SYT16: variants seen among roughly 807,000 people sequenced by gnomAD.
SYT16 encodes synaptotagmin-16.
Under a neutral mutation model 61.4 loss-of-function variants are expected in SYT16, and 42 were observed. The ratio of observed to expected loss-of-function variants is 0.68; its 90% CI spans 0.53 to 0.89. The LOEUF (loss-of-function observed/expected upper bound fraction) is 0.89, where lower values mean the gene tolerates loss of function less well. SYT16 is among the 40% of genes least tolerant of loss of function. SYT16 has a pLI of 0.00. For missense variants in SYT16, 804 were observed against 807.3 expected, an observed-to-expected ratio of 1.00 and a Z score of 0.05; for synonymous variants, 314 against 302.3, an observed-to-expected ratio of 1.04 and a Z score of -0.40.
At chr14:61,876,784 G>T (rs933989518) in intron 1 of SYT16, among the ~76,000 whole-genome samples, 3 of 152,178 alleles carry the variant, frequency 2.0e-5, no homozygotes, top group Admixed American at 2.0e-4. Flanking sequence ...CTTTTGCCCC[G>T]CAGGTAGGTA....
intron 3 of SYT16, among the ~76,000 whole-genome samples, chr14:62,008,631 C>CTTTTTTTT (rs374026559): frequency 1.5e-5 from 2 of 134,940 alleles, no homozygotes; most frequent in Non-Finnish European, 1.6e-5. Context: ...TTTCTGTTTT[C>CTTTTTTTT]TTTTTTTTTT....
chr14:62,021,330 C>A (rs772918931), intron 3 of SYT16, among the ~76,000 whole-genome samples: 5 of 152,246 alleles, frequency 3.3e-5, no homozygotes, highest in Admixed American at 2.0e-4. Flanking sequence ...GTGGGTGTTA[C>A]CTCCTTGGCT....
chr14:61,816,480 A>C (rs1478767216), intron 1 of SYT16, among the ~76,000 whole-genome samples: 1 of 152,234 alleles, frequency 6.6e-6, no homozygotes, highest in Admixed American at 6.5e-5. Context: ...GTCATTATTA[A>C]AAAGTTTACA....
intron 7 of SYT16, among the ~76,000 whole-genome samples, chr14:62,097,366 TG>T (rs1259647694): frequency 6.6e-6 from 1 of 152,202 alleles, no homozygotes; most frequent in Non-Finnish European, 1.5e-5. Flanking sequence ...AGCATTGTTT[TG>T]TAGCCACTAT....
chr14:61,973,404 A>T (rs1023563710), intron 2 of SYT16, among the ~76,000 whole-genome samples: 1 of 152,162 alleles, frequency 6.6e-6, no homozygotes, highest in African/African-American at 2.4e-5. Flanking sequence ...AGCATTTTAC[A>T]TGCATTGTTA....
intron 3 of SYT16, among the ~76,000 whole-genome samples, chr14:62,057,695 A>G (rs950704836): frequency 4.6e-5 from 7 of 152,182 alleles, no homozygotes; most frequent in African/African-American, 1.7e-4. Flanking sequence ...TGAGTCACCA[A>G]GGGGAGATCC....
intron 1 of SYT16, among the ~76,000 whole-genome samples, chr14:61,941,801 G>T (rs1022189444): frequency 4.6e-5 from 7 of 152,156 alleles, no homozygotes; most frequent in Non-Finnish European, 8.8e-5. Flanking sequence ...TCAATGAAGT[G>T]GGGGGCAGGG....
intron 3 of SYT16, among the ~76,000 whole-genome samples, chr14:62,055,457 G>A (rs141526187): frequency 1.8e-4 from 28 of 152,298 alleles, no homozygotes; most frequent in African/African-American, 3.4e-4. Flanking sequence ...GGAGGGCGCA[G>A]TGAATCTGAC....
At chr14:61,945,465 G>A (rs1594976412) in intron 1 of SYT16, among the ~76,000 whole-genome samples, 1 of 152,282 alleles carries the variant, frequency 6.6e-6, no homozygotes, top group South Asian at 2.1e-4. Context: ...GTTCACAATA[G>A]CAAAGACTTG....
chr14:62,089,418 G>T (rs950738985), intron 7 of SYT16, among the ~76,000 whole-genome samples: 9 of 151,884 alleles, frequency 5.9e-5, no homozygotes, highest in Admixed American at 5.9e-4. Context: ...TATTTGGCTG[G>T]GCATTTCTTC....
At chr14:62,059,694 A>AATT (rs1555378063) in intron 3 of SYT16, among the ~76,000 whole-genome samples, 2 of 144,208 alleles carry the variant, frequency 1.4e-5, no homozygotes, top group African/African-American at 5.3e-5. Flanking sequence ...ATATATATGT[A>AATT]TATATATACA....
In SYT16 at chr14:62,078,172, A is replaced by AACACACACACACACACACACACAC. The variant is rs144022896; in HGVS notation, c.994-2660_994-2637dup. ...CTCTCTCTCTATATATATATATATA[A>AACACACACACACACACACACACAC]ACACACACACACACACACACACACA... On this transcript the variant is annotated intron_variant, in intron 5 of 7. Coordinates refer to ENST00000683842, the MANE Select transcript of SYT16 (RefSeq NM_001367656.1). Among the ~76,000 whole-genome samples, 140 of 128,832 alleles carry AACACACACACACACACACACACAC rather than the reference A, an allele frequency of 1.1e-3. 1 individual carries two copies. The highest frequency in any genetic ancestry group is 3.0e-3 in the African/African-American group (95 of 32,068). 84.5% of individuals were successfully genotyped at this position (128,832 alleles called of 152,430 possible). A position where few individuals can be genotyped will look rare whatever the true frequency, so the allele number is the denominator to read the frequency against.
At chr14:62,077,101 GC>G (rs2056524679) in intron 5 of SYT16, among the ~76,000 whole-genome samples, 2 of 152,154 alleles carry the variant, frequency 1.3e-5, no homozygotes, top group African/African-American at 4.8e-5. Flanking sequence ...TGATTTATTT[GC>G]CTCTTAGCTG....
chr14:62,081,748 C>A (rs1473384810), intron 6 of SYT16, among the ~76,000 whole-genome samples: 1 of 152,158 alleles, frequency 6.6e-6, no homozygotes, highest in Non-Finnish European at 1.5e-5. Flanking sequence ...ACCCCATTTC[C>A]CTGCTTGCCA....
chr14:61,957,851 CTTTTTAA>C (rs2050944836), intron 1 of SYT16, among the ~76,000 whole-genome samples: 1 of 151,700 alleles, frequency 6.6e-6, no homozygotes, highest in Non-Finnish European at 1.5e-5. Flanking sequence ...CTCTTCTTCT[CTTTTTAA>C]GAGTTTTAGG....
chr14:62,028,060 C>G (rs1397945337), intron 3 of SYT16, among the ~76,000 whole-genome samples: 1 of 152,076 alleles, frequency 6.6e-6, no homozygotes, highest in Non-Finnish European at 1.5e-5. Context: ...ATCTGAGGTT[C>G]TCTATATTGA....
intron 5 of SYT16, among the ~76,000 whole-genome samples, chr14:62,077,858 C>G (rs925094696): frequency 6.6e-6 from 1 of 152,152 alleles, no homozygotes; most frequent in Non-Finnish European, 1.5e-5. Flanking sequence ...TTAGGACAGT[C>G]AGGAGCTCTA....
At chr14:61,950,691 C>G (rs1310398927) in intron 1 of SYT16, among the ~76,000 whole-genome samples, 1 of 152,096 alleles carries the variant, frequency 6.6e-6, no homozygotes, top group Non-Finnish European at 1.5e-5. Flanking sequence ...CAATTAGCAG[C>G]TGATAATGAA....
chr14:61,834,702 G>A (rs573198825), intron 1 of SYT16, among the ~76,000 whole-genome samples: 1 of 152,196 alleles, frequency 6.6e-6, no homozygotes, highest in South Asian at 2.1e-4. Context: ...CTCCCAAAGT[G>A]TTGAGATTAC....
Sources: allele counts gnomAD v4.1 joint callset (sites outside exome capture counted in the v4.1 genomes callset), GRCh38; gene constraint gnomAD v4.1.1; transcripts MANE v1.5; gene names NCBI Gene and HGNC (gene_info 2026-07-23, HGNC 2026-07-21).